COL19A1: variants seen among roughly 807,000 people sequenced by gnomAD.
COL19A1 encodes the protein collagen type XIX alpha 1 chain, also known as collagen alpha-1(XIX) chain.
A neutral mutation model predicts 190.2 loss-of-function variants in COL19A1; 159 were observed. That is an observed-to-expected ratio of 0.84 (90% CI 0.73 to 0.95). The LOEUF is 0.95. Ranked by LOEUF, COL19A1 falls within the 40% of genes least tolerant of loss-of-function variation. COL19A1 has a pLI of 0.00. For missense variants in COL19A1, 1,418 were observed against 1,431.9 expected (o/e 0.99, Z 0.16); for synonymous variants, 509 against 458.9 (o/e 1.11, Z -1.39).
At chr6:69,986,008 G>A (rs1322505766) in intron 11 of COL19A1, among the ~76,000 whole-genome samples, 1 of 151,922 alleles carries the variant, frequency 6.6e-6, no homozygotes, top group Non-Finnish European at 1.5e-5. Context: ...TAAGGAGCTT[G>A]CTTCAGTAAC....
chr6:69,977,530 C>G (rs1322659463), intron 11 of COL19A1, among the ~76,000 whole-genome samples: 1 of 151,544 alleles, frequency 6.6e-6, no homozygotes, highest in Non-Finnish European at 1.5e-5. Context: ...TGTAACAAAC[C>G]TGCACATTGT....
chr6:69,948,614 T>C lies in COL19A1; in HGVS notation c.936+10514T>C, dbSNP rs1442553188. Among the ~76,000 whole-genome samples the C allele has an allele frequency of 4.0e-5, 6 of 151,726 alleles. No individual in the cohort carries two copies. In the Admixed American group the frequency reaches 4.0e-4, roughly 10 times the overall value. The stretch of plus-strand genomic sequence containing the variant: ...AAGAAAACAAGTCTAGAAAGTTAAG[T>C]ATGCAAGCCAAGAAATTCTCTAGAA... On this transcript the variant is annotated intron_variant, in intron 9 of 50. Coordinates refer to ENST00000620364, the MANE Select transcript of COL19A1 (RefSeq NM_001858.6).
intron 9 of COL19A1, among the ~76,000 whole-genome samples, chr6:69,958,877 C>T (rs1434582675): frequency 6.6e-6 from 1 of 152,086 alleles, no homozygotes; most frequent in Non-Finnish European, 1.5e-5. Context: ...CTTTTTTCTT[C>T]ATAGATTTTG....
At chr6:69,991,159 C>G (rs931739760) in intron 11 of COL19A1, among the ~76,000 whole-genome samples, 1 of 152,054 alleles carries the variant, frequency 6.6e-6, no homozygotes, top group African/African-American at 2.4e-5. Flanking sequence ...GTTTTATGTT[C>G]CTATGTTAAT....
At chr6:70,025,629 T>C (rs1386230905) in intron 12 of COL19A1, among the ~76,000 whole-genome samples, 4 of 152,242 alleles carry the variant, frequency 2.6e-5, no homozygotes, top group African/African-American at 9.6e-5. Context: ...ATGGATAGAA[T>C]TTGGGCCTTT....
chr6:70,198,266 C>G (rs372917817), intron 48 of COL19A1, among the ~76,000 whole-genome samples: 5 of 152,070 alleles, frequency 3.3e-5, no homozygotes, highest in South Asian at 2.1e-4. Flanking sequence ...TACTAATTTC[C>G]TCAGTAAAAA....
At position 69,929,707 on chromosome 6, in the gene COL19A1, T is replaced by C. The variant is rs371442844; in HGVS notation, c.666+7T>C. ...AGATGGCAAGCCTGTGGATGTAAGT[T>C]GTGATGTTAGTTGTGAAAGAGAACT... On this transcript the variant is annotated splice_region_variant and intron_variant, in intron 6 of 50. Transcript: ENST00000620364. The C allele has an allele frequency of 8.2e-5, 131 of 1,601,020 alleles. No homozygotes were observed. Among genetic ancestry groups the C allele is most frequent in the Non-Finnish European group, 9.9e-5 (116 of 1,173,860 alleles).
chr6:70,069,781 G>A (rs541584058), intron 15 of COL19A1, among the ~76,000 whole-genome samples: 113 of 152,250 alleles, frequency 7.4e-4, no homozygotes, highest in African/African-American at 2.6e-3. Flanking sequence ...TTGAATCACA[G>A]AGTAGGAACT....
At chr6:69,917,810 T>C (rs1173617189) in intron 4 of COL19A1, among the ~76,000 whole-genome samples, 1 of 151,934 alleles carries the variant, frequency 6.6e-6, no homozygotes, top group African/African-American at 2.4e-5. Flanking sequence ...CTAACAGTAA[T>C]GATAGCTGAT....
chr6:69,995,885 G>A (rs1776876940), intron 11 of COL19A1, among the ~76,000 whole-genome samples: 1 of 152,084 alleles, frequency 6.6e-6, no homozygotes, highest in African/African-American at 2.4e-5. Context: ...ACTTAATTAG[G>A]TATATGTCAC....
intron 16 of COL19A1, among the ~76,000 whole-genome samples, chr6:70,112,061 C>T (rs1375326698): frequency 1.3e-5 from 2 of 152,126 alleles, no homozygotes; most frequent in African/African-American, 2.4e-5. Flanking sequence ...AATGTTATCA[C>T]CTAATTACAG....
intron 4 of COL19A1, among the ~76,000 whole-genome samples, chr6:69,901,561 C>T (rs907569742): frequency 1.3e-5 from 2 of 152,204 alleles, no homozygotes; most frequent in Non-Finnish European, 2.9e-5. Flanking sequence ...CTACAGCTGC[C>T]GCTGTTTGGG....
chr6:70,007,439 T>C (rs1042262699), intron 11 of COL19A1, among the ~76,000 whole-genome samples: 1 of 152,010 alleles, frequency 6.6e-6, no homozygotes, highest in African/African-American at 2.4e-5. Context: ...AGTATAATAG[T>C]ATTACACAGA....
chr6:70,064,458 T>C (rs946131604), intron 14 of COL19A1, among the ~76,000 whole-genome samples: 1 of 152,150 alleles, frequency 6.6e-6, no homozygotes, highest in African/African-American at 2.4e-5. Context: ...ATGGGACGTA[T>C]CTCAAAATAA....
chr6:69,867,393 C>G (rs1396916203), intron 1 of COL19A1: 1 of 154,910 alleles, frequency 6.5e-6, no homozygotes, highest in Non-Finnish European at 1.4e-5. Flanking sequence ...CTGCAGCCAC[C>G]GCCGCCGCCG....
intron 14 of COL19A1, among the ~76,000 whole-genome samples, chr6:70,044,931 A>G (rs1214697769): frequency 6.6e-6 from 1 of 152,160 alleles, no homozygotes; most frequent in East Asian, 1.9e-4. Context: ...TATATTAAAT[A>G]GTGTCTATTT....
intron 11 of COL19A1, among the ~76,000 whole-genome samples, chr6:69,988,610 G>A (rs1776435919): frequency 6.6e-6 from 1 of 152,160 alleles, no homozygotes; most frequent in Non-Finnish European, 1.5e-5. Flanking sequence ...TGTGCTAGAT[G>A]CTCTGGTGGA....
intron 11 of COL19A1, among the ~76,000 whole-genome samples, chr6:69,966,626 C>T (rs1331088039): frequency 1.3e-5 from 2 of 152,126 alleles, no homozygotes; most frequent in African/African-American, 2.4e-5. Flanking sequence ...GGGACACAAA[C>T]ACTGTGGAAG....
chr6:70,168,662 A>C lies in COL19A1; in HGVS notation c.2549A>C (p.Lys850Thr), dbSNP rs754525801. The C allele has an allele frequency of 6.2e-7, 1 of 1,612,890 alleles. No individual in the cohort carries two copies. Among genetic ancestry groups the C allele is most frequent in the Non-Finnish European group, 8.5e-7 (1 of 1,179,464 alleles). The change falls in exon 40 of 51, where the codon AAA becomes ACA. Residue 850 changes from lysine (K) to threonine (T), a missense_variant. Physicochemically the swap from Lys to Thr is moderately conservative, Grantham distance 78. Transcript: ENST00000620364. ...YPGPPGPPGPKGDPGPVGEPG... is the reference protein window; with the variant it reads ...YPGPPGPPGPTGDPGPVGEPG... Reference sequence around the variant, plus strand: ...TCCATGTTTCTCTTACAGGGCCCAAAAGGCGATCCTGGCCCAGTGGTATGA... The same window carrying C: ...TCCATGTTTCTCTTACAGGGCCCAACAGGCGATCCTGGCCCAGTGGTATGA...
Sources: gnomAD v4.1 joint callset for allele counts (sites outside exome capture counted in the v4.1 genomes callset) on GRCh38, gnomAD v4.1.1 for gene constraint, MANE v1.5 for transcripts, NCBI Gene and HGNC (gene_info 2026-07-23, HGNC 2026-07-21) for gene names.